The following NUP98 variants were observed in gnomAD, a reference collection of about 807,000 sequenced individuals.
NUP98 encodes nucleoporin 98 and 96 precursor.
Under a neutral mutation model 191.9 loss-of-function variants are expected in NUP98, and 26 were observed. That is an observed-to-expected ratio of 0.14 (90% CI 0.10 to 0.19). The LOEUF (loss-of-function observed/expected upper bound fraction) is 0.19, where lower values mean the gene tolerates loss of function less well. Ranked by LOEUF, NUP98 falls within the 10% of genes least tolerant of loss-of-function variation. The pLI is 1.00. For synonymous variants in NUP98, 808 were observed against 778.4 expected (o/e 1.04, Z -0.63); for missense variants, 1,941 against 2,178.8 (o/e 0.89, Z 2.17).
intron 1 of NUP98, among the ~76,000 whole-genome samples, chr11:3,791,126 A>C (rs1280404322): frequency 6.6e-6 from 1 of 151,856 alleles, no homozygotes; most frequent in Non-Finnish European, 1.5e-5. Flanking sequence ...CGATCTCCTG[A>C]CCTTGTGATC....
intron 19 of NUP98, 26 bp from the exon 20 acceptor site, chr11:3,712,754 A>AG: frequency 6.2e-7 from 1 of 1,604,256 alleles, no homozygotes; most frequent in Non-Finnish European, 8.5e-7. Context: ...ACCCCACAAA[A>AG]CAACTTAAAC....
At chr11:3,766,884 G>A (rs745804654) in intron 8 of NUP98, among the ~76,000 whole-genome samples, 2 of 152,148 alleles carry the variant, frequency 1.3e-5, no homozygotes, top group Non-Finnish European at 2.9e-5. Flanking sequence ...TTACCACAGT[G>A]TATTACAATG....
At chr11:3,702,368 C>G (rs1302947127) in intron 23 of NUP98, 95 bp downstream of exon 23, 1 of 727,630 alleles carries the variant, frequency 1.4e-6, no homozygotes, top group East Asian at 2.9e-5. Context: ...CTCTCTCTCT[C>G]TAGAAAGATG....
At chr11:3,761,051 G>C (rs1275968632) in intron 9 of NUP98, among the ~76,000 whole-genome samples, 1 of 152,198 alleles carries the variant, frequency 6.6e-6, no homozygotes, top group Non-Finnish European at 1.5e-5. Context: ...TATGCTAAGT[G>C]AAAGACATCA....
chr11:3,691,262 C>T, intron 28 of NUP98, 85 bp downstream of exon 28: 1 of 1,445,134 alleles, frequency 6.9e-7, no homozygotes, highest in Non-Finnish European at 9.6e-7. Flanking sequence ...AATCTGGGGA[C>T]ATATAAAAGG....
intron 14 of NUP98, among the ~76,000 whole-genome samples, chr11:3,725,784 C>T (rs567043032): frequency 3.9e-5 from 6 of 152,232 alleles, no homozygotes; most frequent in Non-Finnish European, 5.9e-5. Context: ...TGCAAATGAT[C>T]GATCACAAAT....
In NUP98 at chr11:3,749,328, A is replaced by AG. The variant is rs1226804076; in HGVS notation, c.1267+3987_1267+3988insC. On this transcript the variant is annotated intron_variant, in intron 11 of 32. Transcript: ENST00000324932. The stretch of plus-strand genomic sequence containing the variant: ...AGACTCCGTCTCAAAAAAAAAATAA[A>AG]TAAATAAATTAAGAGGCCGGGCACA... 3.7e-3 allele frequency among the ~76,000 whole-genome samples: 557 copies of AG among 151,260 alleles called. 1 individual carries two copies. Among genetic ancestry groups the AG allele is most frequent in the African/African-American group, 0.013 (532 of 41,170 alleles).
intron 4 of NUP98, among the ~76,000 whole-genome samples, chr11:3,777,661 C>T (rs2081790435): frequency 6.6e-6 from 1 of 150,830 alleles, no homozygotes; most frequent in Admixed American, 6.6e-5. Context: ...CATATGGTGC[C>T]AGAAATGTCA....
chr11:3,702,829 T>C lies in NUP98; in HGVS notation c.3146A>G (p.Gln1049Arg), dbSNP rs765909456. The C allele has an allele frequency of 1.5e-5, 25 of 1,614,148 alleles. No individual in the cohort carries two copies. Among genetic ancestry groups the C allele is most frequent in the Non-Finnish European group, 2.0e-5 (24 of 1,180,008 alleles). ...TGCTGCTCTGGGAGTACGACATTCT[T>C]GCACAGAGACACTTGGTGAAAGAAA... Reference protein sequence around the residue: ...GAFLSPSVSVQECRTPRAASL... With the variant: ...GAFLSPSVSVRECRTPRAASL... Residue 1049 changes from glutamine to arginine, a missense_variant, in exon 23 of 33, where the codon CAA becomes CGA. Gln to Arg is a conservative substitution (Grantham distance 43). Coordinates refer to ENST00000324932, the MANE Select transcript of NUP98 (RefSeq NM_016320.5).
intron 9 of NUP98, 28 bp from the exon 10 acceptor site, chr11:3,760,654 T>A: frequency 6.3e-7 from 1 of 1,589,208 alleles, no homozygotes; most frequent in Non-Finnish European, 8.6e-7. Context: ...CAGGAAAATT[T>A]AAAATAATAT....
chr11:3,780,895 C>A (rs1371089847), intron 2 of NUP98, among the ~76,000 whole-genome samples: 1 of 152,024 alleles, frequency 6.6e-6, no homozygotes. Context: ...CCCTGGCCAA[C>A]ATGGTGAAAC....
At chr11:3,730,211 G>C (rs1340516493) in intron 14 of NUP98, among the ~76,000 whole-genome samples, 2 of 151,852 alleles carry the variant, frequency 1.3e-5, no homozygotes, top group Non-Finnish European at 2.9e-5. Context: ...CTCCAGCCTG[G>C]GTAACAGAGC....
At chr11:3,715,524 C>T (rs1202480990) in intron 18 of NUP98, among the ~76,000 whole-genome samples, 1 of 151,894 alleles carries the variant, frequency 6.6e-6, no homozygotes. Flanking sequence ...TGTTGGGCAT[C>T]TTTTCATGTA....
chr11:3,780,025 C>T (rs2081902000), intron 2 of NUP98, among the ~76,000 whole-genome samples: 2 of 152,038 alleles, frequency 1.3e-5, no homozygotes, highest in South Asian at 4.1e-4. Context: ...CTTTCATTAG[C>T]GGAACACATC....
rs550204929 is a variant in NUP98 at position 3,681,554 on chromosome 11, A to C, written c.4918+1646T>G. On this transcript the variant is annotated intron_variant, in intron 30 of 32. Coordinates refer to ENST00000324932, the MANE Select transcript of NUP98 (RefSeq NM_016320.5). Reference sequence around the variant, plus strand: ...AACATTAACCTCCTTATACGTCTTCATCAGAACTCTTGGCTGACTAGGTGC... The same window carrying C: ...AACATTAACCTCCTTATACGTCTTCCTCAGAACTCTTGGCTGACTAGGTGC... Among the ~76,000 whole-genome samples, 22 of 152,352 alleles carry C rather than the reference A, an allele frequency of 1.4e-4. No homozygotes were observed. The East Asian group carries it at 1.9e-3, about 13-fold the overall frequency.
At chr11:3,734,911 G>T (rs2134304246) in intron 13 of NUP98, among the ~76,000 whole-genome samples, 1 of 152,240 alleles carries the variant, frequency 6.6e-6, no homozygotes, top group Non-Finnish European at 1.5e-5. Context: ...CTTAAAAAAA[G>T]TTGTTTTAAT....
rs1388681065 is a variant in NUP98 at position 3,688,820 on chromosome 11, C to CATATACAT, written c.4454+2526_4454+2527insATGTATAT. 2.1e-4 allele frequency among the ~76,000 whole-genome samples: 28 copies of CATATACAT among 136,270 alleles called. 1 individual carries two copies. Among genetic ancestry groups the CATATACAT allele is most frequent in the African/African-American group, 7.9e-4 (28 of 35,666 alleles). 89.4% of individuals were successfully genotyped at this position (136,270 alleles called of 152,430 possible). The stretch of plus-strand genomic sequence containing the variant: ...AAATATATATATGTATTTAAATATA[C>CATATACAT]ATATATATATATATATATATATTTA... On this transcript the variant is annotated intron_variant, in intron 28 of 32. Coordinates refer to ENST00000324932, the MANE Select transcript of NUP98 (RefSeq NM_016320.5).
At chr11:3,791,185 G>C (rs549761882) in intron 1 of NUP98, among the ~76,000 whole-genome samples, 1 of 151,982 alleles carries the variant, frequency 6.6e-6, no homozygotes, top group Non-Finnish European at 1.5e-5. Context: ...GTGAGCCACT[G>C]CGCCCCGCCC....
intron 11 of NUP98, among the ~76,000 whole-genome samples, chr11:3,752,018 A>G (rs2080777611): frequency 6.6e-6 from 1 of 151,482 alleles, no homozygotes; most frequent in Non-Finnish European, 1.5e-5. Context: ...TCTACTAAAA[A>G]TACAAAAATT....
Sources: gnomAD v4.1 joint callset for allele counts (sites outside exome capture counted in the v4.1 genomes callset) on GRCh38, gnomAD v4.1.1 for gene constraint, MANE v1.5 for transcripts, NCBI Gene and HGNC (gene_info 2026-07-23, HGNC 2026-07-21) for gene names.